Variants in MAP7 observed in about 807,000 individuals in gnomAD.
MAP7 encodes the protein ensconsin.
Under a neutral mutation model 94.8 loss-of-function variants are expected in MAP7, and 52 were observed. The observed-to-expected ratio is 0.55, with a 90% CI of 0.44 to 0.69. The LOEUF (loss-of-function observed/expected upper bound fraction) is 0.69. Ranked by LOEUF, MAP7 falls within the 30% of genes least tolerant of loss-of-function variation. The probability of loss-of-function intolerance (pLI) is 0.00; values close to 1 mark genes in which losing one functional copy is unlikely to be tolerated. For missense variants in MAP7, 940 were observed against 964.6 expected, an observed-to-expected ratio of 0.97 and a Z score of 0.34; for synonymous variants, 350 against 357.0, an observed-to-expected ratio of 0.98 and a Z score of 0.22.
At chr6:136,525,786 C>A in intron 1 of MAP7, 1 of 1,515,228 alleles carries the variant, frequency 6.6e-7, no homozygotes, top group Non-Finnish European at 8.8e-7. Context: ...GTGTGGGAGA[C>A]AAGGGCTGGA....
At chr6:136,529,052 C>T (rs760503841) in intron 1 of MAP7, among the ~76,000 whole-genome samples, 1 of 152,102 alleles carries the variant, frequency 6.6e-6, no homozygotes, top group Non-Finnish European at 1.5e-5. Context: ...AAACCAAAGG[C>T]AAATACGGAA....
chr6:136,429,957 C>T (rs1014252830), intron 1 of MAP7, among the ~76,000 whole-genome samples: 2 of 152,120 alleles, frequency 1.3e-5, no homozygotes, highest in Admixed American at 6.5e-5. Flanking sequence ...TTATCCCTGC[C>T]CCACAACATG....
intron 1 of MAP7, among the ~76,000 whole-genome samples, chr6:136,517,290 G>A (rs1351181405): frequency 6.6e-6 from 1 of 152,082 alleles, no homozygotes; most frequent in East Asian, 1.9e-4. Flanking sequence ...AACAACACAA[G>A]AAAGAAGGCA....
At chr6:136,485,355 A>C (rs879940609) in intron 1 of MAP7, among the ~76,000 whole-genome samples, 4 of 152,198 alleles carry the variant, frequency 2.6e-5, no homozygotes, top group Non-Finnish European at 5.9e-5. Context: ...TCTTTAAAAG[A>C]TATAGTTACA....
At chr6:136,454,272 G>GATCTATCC (rs1802066706) in intron 1 of MAP7, among the ~76,000 whole-genome samples, 1 of 141,350 alleles carries the variant, frequency 7.1e-6, no homozygotes. Context: ...CTACCTAAAT[G>GATCTATCC]ATCTATCTAT....
chr6:136,438,583 T>G (rs1340025412), intron 1 of MAP7, among the ~76,000 whole-genome samples: 1 of 152,152 alleles, frequency 6.6e-6, no homozygotes, highest in Non-Finnish European at 1.5e-5. Context: ...GTCCTGACCC[T>G]AGGAGAACTT....
intron 10 of MAP7, chr6:136,364,723 G>T: frequency 6.2e-6 from 1 of 162,450 alleles, no homozygotes; most frequent in Non-Finnish European, 1.3e-5. Flanking sequence ...AGATAGATGA[G>T]GACATTCAGC....
intron 15 of MAP7, among the ~76,000 whole-genome samples, chr6:136,357,564 G>A (rs770049237): frequency 9.2e-5 from 14 of 151,990 alleles, no homozygotes; most frequent in Non-Finnish European, 1.9e-4. Flanking sequence ...GTGTGATCAC[G>A]GCTCACTACA....
chr6:136,415,295 A>G (rs1031583488), intron 2 of MAP7, among the ~76,000 whole-genome samples: 16 of 152,246 alleles, frequency 1.1e-4, no homozygotes, highest in African/African-American at 3.9e-4. Context: ...TCAACTTTGT[A>G]AAAGCCATAT....
At chr6:136,356,644 G>T (rs1367995973) in intron 16 of MAP7, 48 bp downstream of exon 16, 1 of 1,422,468 alleles carries the variant, frequency 7.0e-7, no homozygotes, top group East Asian at 2.3e-5. Context: ...GGAGCTGGTG[G>T]GTAAAAACAG....
chr6:136,470,574 A>C (rs1259221774), intron 1 of MAP7, among the ~76,000 whole-genome samples: 1 of 152,188 alleles, frequency 6.6e-6, no homozygotes, highest in African/African-American at 2.4e-5. Context: ...TCCAGAATTT[A>C]GTCATCCTGC....
intron 7 of MAP7, among the ~76,000 whole-genome samples, chr6:136,377,229 AT>A (rs1301875593): frequency 6.6e-6 from 1 of 152,212 alleles, no homozygotes; most frequent in Non-Finnish European, 1.5e-5. Flanking sequence ...AAATAAGCAT[AT>A]TACAATTAGC....
At chr6:136,420,386 G>T in intron 2 of MAP7, 1 of 546,904 alleles carries the variant, frequency 1.8e-6, no homozygotes, top group South Asian at 2.3e-5. Flanking sequence ...GCAGCACCAG[G>T]AGGCCAGGGG....
At chr6:136,344,558 G>A (rs977109393) in intron 17 of MAP7, among the ~76,000 whole-genome samples, 1 of 152,066 alleles carries the variant, frequency 6.6e-6, no homozygotes, top group African/African-American at 2.4e-5. Context: ...TGATGCTTAG[G>A]GTTCTAAACA....
At chr6:136,525,736 C>G (rs1227342938) in intron 1 of MAP7, 1 of 1,336,858 alleles carries the variant, frequency 7.5e-7, no homozygotes, top group African/African-American at 1.5e-5. Flanking sequence ...CTCCCTGGAG[C>G]ATGCACGAGC....
chr6:136,483,677 C>T (rs1224412922), intron 1 of MAP7, among the ~76,000 whole-genome samples: 2 of 151,278 alleles, frequency 1.3e-5, no homozygotes, highest in Non-Finnish European at 2.9e-5. Flanking sequence ...CAAAACAAAA[C>T]AAAAAAAAGT....
intron 1 of MAP7, among the ~76,000 whole-genome samples, chr6:136,546,392 T>C (rs1413026697): frequency 6.7e-6 from 1 of 149,996 alleles, no homozygotes; most frequent in Non-Finnish European, 1.5e-5. Flanking sequence ...TCTCAGCCTC[T>C]GGTAACCATG....
chr6:136,542,280 C>A (rs1474828553), intron 1 of MAP7, among the ~76,000 whole-genome samples: 1 of 152,092 alleles, frequency 6.6e-6, no homozygotes, highest in East Asian at 1.9e-4. Flanking sequence ...GAGAACGAGA[C>A]AAACCCTAAA....
chr6:136,520,199 C>CAA (rs61528866), intron 1 of MAP7, among the ~76,000 whole-genome samples: 44 of 65,822 alleles, frequency 6.7e-4, no homozygotes, highest in African/African-American at 1.6e-3. Flanking sequence ...GAGTTTGCCT[C>CAA]AAAAAAAAAA....
Sources: allele counts gnomAD v4.1 joint callset (sites outside exome capture counted in the v4.1 genomes callset), GRCh38; gene constraint gnomAD v4.1.1; transcripts MANE v1.5; gene names NCBI Gene and HGNC (gene_info 2026-07-23, HGNC 2026-07-21).